The following PIP5K1B variants were observed in gnomAD, a reference collection of about 807,000 sequenced individuals.
The protein encoded by PIP5K1B is phosphatidylinositol 4-phosphate 5-kinase type-1 beta.
PIP5K1B carries 42 observed loss-of-function variants against 67.0 expected under a neutral mutation model. That is an observed-to-expected ratio of 0.63 (90% CI 0.49 to 0.81). The LOEUF (loss-of-function observed/expected upper bound fraction) is 0.81, where lower values mean the gene tolerates loss of function less well. Ranked by LOEUF, PIP5K1B falls within the 30% of genes least tolerant of loss-of-function variation. PIP5K1B has a pLI of 0.00. For synonymous variants in PIP5K1B, 214 were observed against 231.4 expected (o/e 0.92, Z 0.68); for missense variants, 459 against 646.3 (o/e 0.71, Z 3.14).
intron 14 of PIP5K1B, among the ~76,000 whole-genome samples, chr9:68,968,317 C>T (rs983028335): frequency 3.9e-5 from 6 of 152,048 alleles, no homozygotes; most frequent in Admixed American, 6.5e-5. Flanking sequence ...GTCAGGAGTT[C>T]GAGACCAACC....
chr9:68,735,091 C>T (rs1828658535), intron 1 of PIP5K1B, among the ~76,000 whole-genome samples: 2 of 152,168 alleles, frequency 1.3e-5, no homozygotes, highest in Admixed American at 1.3e-4. Context: ...CCTTTGATGA[C>T]AGTGGTCCTG....
At chr9:68,706,186 T>G (rs1269577641) in intron 1 of PIP5K1B, 2 of 152,302 alleles carry the variant, frequency 1.3e-5, no homozygotes, top group Admixed American at 6.5e-5. Context: ...CGAGTTGGTG[T>G]TCTGCTCATT....
intron 8 of PIP5K1B, among the ~76,000 whole-genome samples, chr9:68,903,209 C>T (rs1330637506): frequency 6.6e-6 from 1 of 152,200 alleles, no homozygotes; most frequent in Non-Finnish European, 1.5e-5. Context: ...AGTTCTTACA[C>T]AGCATTTCTC....
At chr9:68,833,873 A>T (rs950296215) in intron 4 of PIP5K1B, among the ~76,000 whole-genome samples, 1 of 152,188 alleles carries the variant, frequency 6.6e-6, no homozygotes, top group Non-Finnish European at 1.5e-5. Context: ...CAATTTGGAC[A>T]TGTGAGTTTG....
At chr9:68,716,847 C>A (rs966728328) in intron 1 of PIP5K1B, among the ~76,000 whole-genome samples, 1 of 152,152 alleles carries the variant, frequency 6.6e-6, no homozygotes, top group Admixed American at 6.5e-5. Context: ...CCTAGGTGAC[C>A]ATCAATGATG....
chr9:68,752,495 T>TTTTCTTCCTTTCTTTTTC (rs1251774983), intron 2 of PIP5K1B, among the ~76,000 whole-genome samples: 2 of 152,178 alleles, frequency 1.3e-5, no homozygotes, highest in African/African-American at 4.8e-5. Flanking sequence ...CTTTCTTTTT[T>TTTTCTTCCTTTCTTTTTC]TTTCTTCCTT....
chr9:68,994,810 GA>G (rs1212640361), intron 15 of PIP5K1B, among the ~76,000 whole-genome samples: 1 of 152,030 alleles, frequency 6.6e-6, no homozygotes, highest in African/African-American at 2.4e-5. Context: ...CGTTTCCCTT[GA>G]ATTCAGTGAT....
chr9:68,948,018 C>T (rs1827886105), intron 14 of PIP5K1B, among the ~76,000 whole-genome samples: 1 of 152,192 alleles, frequency 6.6e-6, no homozygotes, highest in Admixed American at 6.5e-5. Context: ...ATTACCAATA[C>T]ATCATTTGTG....
intron 15 of PIP5K1B, among the ~76,000 whole-genome samples, chr9:68,993,436 C>G (rs559379054): frequency 1.3e-5 from 2 of 152,096 alleles, no homozygotes; most frequent in Admixed American, 6.6e-5. Flanking sequence ...CTTGACCGCC[C>G]CCTACGTAAA....
At chr9:69,008,378 G>C in intron 15 of PIP5K1B, 69 bp from the exon 16 acceptor site, 1 of 1,422,558 alleles carries the variant, frequency 7.0e-7, no homozygotes, top group Non-Finnish European at 9.9e-7. Flanking sequence ...CTTATGTTGC[G>C]ACTCATGGGG....
chr9:69,003,497 C>T (rs1314414733), intron 15 of PIP5K1B, among the ~76,000 whole-genome samples: 1 of 151,636 alleles, frequency 6.6e-6, no homozygotes, highest in African/African-American at 2.4e-5. Context: ...GATATCACCC[C>T]AAGGGTTGAC....
At chr9:68,839,844 G>A (rs973986336) in intron 4 of PIP5K1B, among the ~76,000 whole-genome samples, 10 of 152,114 alleles carry the variant, frequency 6.6e-5, no homozygotes, top group Non-Finnish European at 5.9e-5. Context: ...ATTCCAGAGA[G>A]GTCATGACAA....
chr9:68,963,829 G>A (rs1828879887), intron 14 of PIP5K1B, among the ~76,000 whole-genome samples: 1 of 152,142 alleles, frequency 6.6e-6, no homozygotes, highest in Admixed American at 6.5e-5. Context: ...GGTCAGTATT[G>A]GGTGGTGGTG....
In PIP5K1B at chr9:68,721,136, T is replaced by C. The variant is rs116037090; in HGVS notation, c.-243+15374T>C. Reference sequence around the variant, plus strand: ...CAGACCATCGACATCTTGTCAGCTGTGCTAAGGAGTTTGAACATTTCTTCT... The same window carrying C: ...CAGACCATCGACATCTTGTCAGCTGCGCTAAGGAGTTTGAACATTTCTTCT... On this transcript the variant is annotated intron_variant, in intron 1 of 15. Coordinates refer to ENST00000265382, the MANE Select transcript of PIP5K1B (RefSeq NM_003558.4). 7.2e-3 allele frequency among the ~76,000 whole-genome samples: 1,093 copies of C among 152,222 alleles called. 12 individuals are homozygous for C. The highest frequency in any genetic ancestry group is 0.025 in the African/African-American group (1,056 of 41,514).
chr9:68,994,859 G>A (rs1438891368), intron 15 of PIP5K1B, among the ~76,000 whole-genome samples: 2 of 152,004 alleles, frequency 1.3e-5, no homozygotes, highest in African/African-American at 2.4e-5. Flanking sequence ...TATTAAATCA[G>A]GTTCATTCTA....
intron 15 of PIP5K1B, among the ~76,000 whole-genome samples, chr9:69,007,736 A>T (rs1327593667): frequency 4.6e-5 from 7 of 152,186 alleles, no homozygotes; most frequent in Non-Finnish European, 1.0e-4. Context: ...AGGCAGCTGT[A>T]GTCCCAGCTA....
intron 12 of PIP5K1B, among the ~76,000 whole-genome samples, chr9:68,933,323 G>A (rs1469104322): frequency 1.3e-5 from 2 of 151,964 alleles, no homozygotes; most frequent in Non-Finnish European, 2.9e-5. Flanking sequence ...TTAGCAGATA[G>A]AATGTTAAGG....
intron 8 of PIP5K1B, among the ~76,000 whole-genome samples, chr9:68,903,071 C>A (rs1564218806): frequency 6.6e-6 from 1 of 152,184 alleles, no homozygotes; most frequent in Non-Finnish European, 1.5e-5. Flanking sequence ...TCATCTAAAT[C>A]TATTCTACAG....
intron 7 of PIP5K1B, among the ~76,000 whole-genome samples, chr9:68,893,155 A>G (rs1824885734): frequency 1.3e-5 from 2 of 152,242 alleles, no homozygotes; most frequent in South Asian, 4.1e-4. Context: ...AAGCACCTTG[A>G]ATATTTCTGG....
Sources: allele counts gnomAD v4.1 joint callset (sites outside exome capture counted in the v4.1 genomes callset), GRCh38; gene constraint gnomAD v4.1.1; transcripts MANE v1.5; gene names NCBI Gene and HGNC (gene_info 2026-07-23, HGNC 2026-07-21).